CTIF: variants seen among roughly 807,000 people sequenced by gnomAD.
CTIF encodes cap binding complex dependent translation initiation factor.
A neutral mutation model predicts 66.0 loss-of-function variants in CTIF; 21 were observed. The observed-to-expected ratio is 0.32, with a 90% CI of 0.23 to 0.46. The LOEUF (loss-of-function observed/expected upper bound fraction) is 0.46, where lower values mean the gene tolerates loss of function less well. CTIF is among the 20% of genes least tolerant of loss of function. The pLI is 1.00. For missense variants in CTIF, 739 were observed against 812.7 expected, an observed-to-expected ratio of 0.91 and a Z score of 1.10; for synonymous variants, 345 against 326.4, an observed-to-expected ratio of 1.06 and a Z score of -0.62.
chr18:48,743,333 C>G (rs561166542), intron 7 of CTIF, among the ~76,000 whole-genome samples: 1 of 152,178 alleles, frequency 6.6e-6, no homozygotes, highest in African/African-American at 2.4e-5. Context: ...TAAAAACTCT[C>G]GGGTCTCAGC....
At chr18:48,671,011 C>G (rs1168370827) in intron 6 of CTIF, among the ~76,000 whole-genome samples, 1 of 152,184 alleles carries the variant, frequency 6.6e-6, no homozygotes, top group Non-Finnish European at 1.5e-5. Context: ...AGACCATGCC[C>G]TGGCAACTCA....
intron 1 of CTIF, among the ~76,000 whole-genome samples, chr18:48,577,957 C>T (rs535145731): frequency 2.6e-5 from 4 of 152,340 alleles, no homozygotes; most frequent in East Asian, 1.9e-4. Context: ...TCACCTTTTA[C>T]GCCCATTACC....
At chr18:48,540,883 G>A (rs2088597592) in intron 1 of CTIF, among the ~76,000 whole-genome samples, 2 of 152,126 alleles carry the variant, frequency 1.3e-5, no homozygotes, top group African/African-American at 4.8e-5. Flanking sequence ...AGGGGACCGT[G>A]CGGCTGTGGG....
At chr18:48,615,035 A>G (rs2337071) in intron 1 of CTIF, among the ~76,000 whole-genome samples, 59,694 of 151,840 alleles carry the variant, frequency 0.39, 13,973 homozygotes, top group African/African-American at 0.66. Context: ...TGAGTAGCTG[A>G]GCATGTGCGA....
Position 48,628,106 on chromosome 18 carries a change from C to T in CTIF, c.180+8361C>T, listed in dbSNP as rs1041249441. On this transcript the variant is annotated intron_variant, in intron 2 of 11. Transcript: ENST00000256413. ...TGGAAAGTGCTGACACTGTGATTGA[C>T]CCTGAAGATTTTAGCCTGAGCAAAT... Among the ~76,000 whole-genome samples the T allele has an allele frequency of 3.3e-5, 5 of 152,178 alleles. No homozygotes were observed. The East Asian group carries it at 5.8e-4, about 18-fold the overall frequency.
At chr18:48,564,162 C>T (rs145248650) in intron 1 of CTIF, among the ~76,000 whole-genome samples, 1 of 152,292 alleles carries the variant, frequency 6.6e-6, no homozygotes, top group Non-Finnish European at 1.5e-5. Flanking sequence ...TCCTGTCTAT[C>T]TTAGGGGCAA....
chr18:48,803,089 C>T (rs903303491), intron 9 of CTIF, among the ~76,000 whole-genome samples: 2 of 152,258 alleles, frequency 1.3e-5, no homozygotes, highest in African/African-American at 2.4e-5. Flanking sequence ...GCCATCCCCC[C>T]GCCTCCCTGT....
At chr18:48,712,717 C>T (rs1239671469) in intron 7 of CTIF, among the ~76,000 whole-genome samples, 1 of 152,242 alleles carries the variant, frequency 6.6e-6, no homozygotes, top group Non-Finnish European at 1.5e-5. Context: ...CCTAGCGGCG[C>T]CTGTGCTCAG....
intron 9 of CTIF, among the ~76,000 whole-genome samples, chr18:48,803,950 T>C (rs1285912326): frequency 1.3e-5 from 2 of 152,126 alleles, no homozygotes; most frequent in Non-Finnish European, 2.9e-5. Context: ...GGACCAGCCC[T>C]GGGGTTGCTG....
intron 6 of CTIF, among the ~76,000 whole-genome samples, chr18:48,706,443 G>A (rs138747271): frequency 2.3e-4 from 35 of 152,260 alleles, no homozygotes; most frequent in Admixed American, 7.8e-4. Context: ...CCGGCACAAT[G>A]CTTTCTGCTC....
At chr18:48,551,772 C>A (rs2088887102) in intron 1 of CTIF, among the ~76,000 whole-genome samples, 1 of 151,864 alleles carries the variant, frequency 6.6e-6, no homozygotes, top group Admixed American at 6.6e-5. Flanking sequence ...TCTCCTGAAA[C>A]CTGGGTGATC....
At chr18:48,846,537 G>GGATA (rs1449780608) in intron 10 of CTIF, among the ~76,000 whole-genome samples, 4 of 149,060 alleles carry the variant, frequency 2.7e-5, no homozygotes, top group Admixed American at 1.4e-4. Flanking sequence ...ATGGATGGAT[G>GGATA]GATAGGTGAA....
intron 9 of CTIF, among the ~76,000 whole-genome samples, chr18:48,800,466 T>A (rs763268359): frequency 6.6e-6 from 1 of 152,206 alleles, no homozygotes; most frequent in Non-Finnish European, 1.5e-5. Context: ...AGTCCCCTGA[T>A]GTCAGTAGCC....
At chr18:48,654,927 G>A (rs1261664908) in intron 3 of CTIF, among the ~76,000 whole-genome samples, 1 of 151,880 alleles carries the variant, frequency 6.6e-6, no homozygotes, top group African/African-American at 2.4e-5. Flanking sequence ...TGAACAATGA[G>A]AACACTTGGA....
intron 10 of CTIF, among the ~76,000 whole-genome samples, chr18:48,844,758 G>A (rs981035568): frequency 1.2e-4 from 19 of 152,342 alleles, no homozygotes; most frequent in African/African-American, 4.3e-4. Context: ...TGTCTGCACT[G>A]TGGGCAGGCA....
At chr18:48,620,977 GAA>G (rs71165338) in intron 2 of CTIF, among the ~76,000 whole-genome samples, 1 of 148,016 alleles carries the variant, frequency 6.8e-6, no homozygotes, top group Non-Finnish European at 1.5e-5. Context: ...TCCTGAGGGA[GAA>G]AAAAAAAAAT....
chr18:48,727,063 G>A (rs1057220154), intron 7 of CTIF, among the ~76,000 whole-genome samples: 7 of 135,796 alleles, frequency 5.2e-5, no homozygotes, highest in Non-Finnish European at 9.3e-5. Flanking sequence ...AAGGAGGCAA[G>A]TTAGCTGCAC....
intron 9 of CTIF, among the ~76,000 whole-genome samples, chr18:48,782,097 T>C (rs1276182402): frequency 1.3e-5 from 2 of 151,784 alleles, no homozygotes; most frequent in African/African-American, 4.8e-5. Context: ...CCCAGAAGTT[T>C]CCATGGAGGC....
chr18:48,629,223 A>G (rs1161019831), intron 2 of CTIF, among the ~76,000 whole-genome samples: 4 of 152,126 alleles, frequency 2.6e-5, no homozygotes, highest in Admixed American at 1.3e-4. Flanking sequence ...TGGCCTGTGG[A>G]CCCCCAAAAT....
Sources: gnomAD v4.1 joint callset for allele counts (sites outside exome capture counted in the v4.1 genomes callset) on GRCh38, gnomAD v4.1.1 for gene constraint, MANE v1.5 for transcripts, NCBI Gene and HGNC (gene_info 2026-07-23, HGNC 2026-07-21) for gene names.